Variants in KCP observed in about 807,000 individuals in gnomAD.
KCP encodes the protein kielin cysteine rich BMP regulator.
Under a neutral mutation model 212.7 loss-of-function variants are expected in KCP, and 194 were observed. The ratio of observed to expected loss-of-function variants is 0.91; its 90% CI spans 0.81 to 1.03. KCP has a LOEUF of 1.03. Among genes scored for constraint, KCP ranks in the 50% least tolerant of loss-of-function variants. The pLI is 0.00. For synonymous variants in KCP, 833 were observed against 865.3 expected, an observed-to-expected ratio of 0.96 and a Z score of 0.65; for missense variants, 2,080 against 2,162.5, an observed-to-expected ratio of 0.96 and a Z score of 0.76.
At position 128,880,660 on chromosome 7, in the gene KCP, GC is replaced by G; in HGVS notation, c.3574del (p.Ala1192ArgfsTer68). On this transcript the variant is annotated frameshift_variant, in exon 33 of 40. Transcript: ENST00000610776. LOFTEE classifies it high-confidence loss of function. Reference sequence around the variant, plus strand: ...GCAGCTGTCAGCCTGGGGCACCTTCGCCCAGCCATGGGGGCAGGAGAGGGCC... The same window carrying G: ...GCAGCTGTCAGCCTGGGGCACCTTCGCCAGCCATGGGGGCAGGAGAGGGCC... ...CQALSCPHGW[A>X]KVPQADSCCE... is the part of the protein sequence containing the mutation. 1 of 746,146 alleles carries G rather than the reference GC, an allele frequency of 1.3e-6. No individual in the cohort carries two copies. 46.2% of individuals were successfully genotyped at this position (746,146 alleles called of 1,614,324 possible). A position where few individuals can be genotyped will look rare whatever the true frequency, so the allele number is the denominator to read the frequency against.
rs1390332172 is a variant in KCP, at chr7:128,891,646, C to T, written c.1795G>A (p.Gly599Ser). ...PGTCCPNDCS[G>S]CAFGGKEYPS... ...GGCCGCCCTGACCCGCCCACCTCAC[C>T]GCTGCAGTCGTTCGGGCAGCAGGTC... The change falls in exon 17 of 40, where the codon GGC becomes AGC. Residue 599 changes from glycine (G) to serine (S), a missense_variant and splice_region_variant. Coordinates refer to ENST00000610776, the MANE Select transcript of KCP (RefSeq NM_001366122.1). The T allele has an allele frequency of 1.4e-5, 20 of 1,466,150 alleles. No homozygotes were observed. The highest frequency in any genetic ancestry group is 1.7e-5 in the Non-Finnish European group (19 of 1,106,944). The allele number at this position is 1,466,150 out of a possible 1,614,324, so 90.8% of individuals were successfully genotyped here. A position where few individuals can be genotyped will look rare whatever the true frequency, so the allele number is the denominator to read the frequency against.
intron 2 of KCP, 73 bp downstream of exon 2, chr7:128,908,353 C>T: frequency 3.5e-6 from 5 of 1,444,774 alleles, no homozygotes; most frequent in Non-Finnish European, 4.6e-6. Context: ...CCCTCCAAGC[C>T]TAACTCCTTC....
At position 128,886,639 on chromosome 7, in the gene KCP, C is replaced by T. The variant is rs748913372; in HGVS notation, c.2772+16G>A. On this transcript the variant is annotated intron_variant, in intron 25 of 39. Transcript: ENST00000610776. The stretch of plus-strand genomic sequence containing the variant: ...TGGTCCAGCTGTCACTCCACACCCC[C>T]CACCTCCTGCTATACCTGACAGCGA... The T allele has an allele frequency of 7.1e-6, 11 of 1,551,388 alleles. No individual in the cohort carries two copies. The highest frequency in any genetic ancestry group is 8.7e-6 in the Non-Finnish European group (10 of 1,146,838).
intron 8 of KCP, among the ~76,000 whole-genome samples, chr7:128,896,530 C>G (rs140652228): frequency 4.5e-4 from 68 of 152,160 alleles, no homozygotes; most frequent in African/African-American, 1.6e-3. Context: ...AGTACAGGAT[C>G]GTGGGACATG....
At position 128,877,467 on chromosome 7, in the gene KCP, G is replaced by C. The variant is rs1395928342; in HGVS notation, c.4618+17C>G. ...TGCTGAGCCTCCCCCAACCTGCAGC[G>C]GGCATCACCCCCTCACCACACAGCG... On this transcript the variant is annotated intron_variant, in intron 39 of 39. Transcript: ENST00000610776. 6.5e-7 allele frequency: 1 copy of C among 1,549,922 alleles called. No individual in the cohort carries two copies. Among genetic ancestry groups the C allele is most frequent in the Non-Finnish European group, 8.7e-7 (1 of 1,146,388 alleles).
intron 5 of KCP, among the ~76,000 whole-genome samples, chr7:128,905,792 G>A: frequency 6.6e-6 from 1 of 151,882 alleles, no homozygotes. Context: ...CTGTCCTTGT[G>A]CCCAGAGGAA....
chr7:128,906,529 C>T (rs1472616421), intron 4 of KCP, among the ~76,000 whole-genome samples, 166 bp from the exon 5 acceptor site: 5 of 152,226 alleles, frequency 3.3e-5, no homozygotes, highest in African/African-American at 9.6e-5. Flanking sequence ...AGAGACATCC[C>T]GCCCCCACTC....
intron 2 of KCP, among the ~76,000 whole-genome samples, 175 bp downstream of exon 2, chr7:128,908,251 G>GAAGAAAGGAAGAAAGAAAGAAGAAAGA (rs1795242134): frequency 9.9e-6 from 1 of 101,212 alleles, no homozygotes; most frequent in Non-Finnish European, 2.0e-5. Flanking sequence ...AAGAAAGAAA[G>GAAGAAAGGAAGAAAGAAAGAAGAAAGA]AAGAAAGAAA....
chr7:128,893,491 A>G lies in KCP; in HGVS notation c.1100-15T>C, dbSNP rs1054282828. On this transcript the variant is annotated splice_polypyrimidine_tract_variant and intron_variant, in intron 11 of 39. Coordinates refer to ENST00000610776, the MANE Select transcript of KCP (RefSeq NM_001366122.1). ...GTACTCACAGCCTGGATGGGATGAC[A>G]GGGGCGTGGGGGTATAGGGCTGGAG... is the stretch of plus-strand genomic sequence containing the variant. 6 of 1,532,194 alleles carry G rather than the reference A, an allele frequency of 3.9e-6. No homozygotes were observed. Among genetic ancestry groups the G allele is most frequent in the African/African-American group, 2.8e-5 (2 of 72,622 alleles). 94.9% of individuals were successfully genotyped at this position (1,532,194 alleles called of 1,614,324 possible). A position where few individuals can be genotyped will look rare whatever the true frequency, so the allele number is the denominator to read the frequency against.
rs1490529104 is a variant in KCP, at chr7:128,888,988, G to A, written c.2387C>T (p.Pro796Leu). Reference protein sequence around the residue: ...SYLSNQEFPDPREPCNLCTCL... With the variant: ...SYLSNQEFPDLREPCNLCTCL... The stretch of plus-strand genomic sequence containing the variant: ...GGTACACAGGTTGCAGGGTTCTCGG[G>A]GGTCTGGGAACTCCTGGTTACTCAG... Residue 796 changes from proline (P) to leucine (L), a missense_variant, in exon 22 of 40, where the codon CCC (proline) becomes CTC (leucine). Physicochemically the swap from Pro to Leu is moderately conservative, Grantham distance 98 (BLOSUM62 -3). Coordinates refer to ENST00000610776, the MANE Select transcript of KCP (RefSeq NM_001366122.1). 1 of 1,539,706 alleles carries A rather than the reference G, an allele frequency of 6.5e-7. No homozygotes were observed. Among genetic ancestry groups the A allele is most frequent in the East Asian group, 2.5e-5 (1 of 40,614 alleles).
Position 128,878,718 on chromosome 7 carries a change from A to G in KCP, c.4151T>C (p.Leu1384Pro). 6.5e-7 allele frequency: 1 copy of G among 1,549,370 alleles called. No individual in the cohort carries two copies. Among genetic ancestry groups the G allele is most frequent in the Non-Finnish European group, 8.7e-7 (1 of 1,146,844 alleles). ...CTCCACCTGGGACTGCCCATCCCAC[A>G]GCACCTGTGTGGAGAGGCCTGAGAC... Reference protein sequence around the residue: ...ILHAQPGLQVLWDGQSQVEVS... With the variant: ...ILHAQPGLQVPWDGQSQVEVS... The change falls in exon 38 of 40, where the codon CTG becomes CCG. Residue 1384 changes from leucine (L) to proline (P), a missense_variant. Physicochemically the swap from Leu to Pro is moderately conservative, Grantham distance 98. Transcript: ENST00000610776.
intron 5 of KCP, 86 bp from the exon 6 acceptor site, chr7:128,904,224 G>T: frequency 6.6e-7 from 1 of 1,514,716 alleles, no homozygotes; most frequent in Non-Finnish European, 9.0e-7. Flanking sequence ...CCCCAAGTAG[G>T]TACTGGACCC....
At position 128,886,503 on chromosome 7, in the gene KCP, G is replaced by A. The variant is rs1309097750; in HGVS notation, c.2827C>T (p.Gln943Ter). The A allele has an allele frequency of 4.5e-6, 7 of 1,550,588 alleles. No homozygotes were observed. Among genetic ancestry groups the A allele is most frequent in the Non-Finnish European group, 6.1e-6 (7 of 1,146,540 alleles). ...LQCPPLPCKL[Q>*]VTERGSCCPR... is the part of the protein sequence containing the mutation. ...CAGCAGCTCCCCCGCTCGGTGACCT[G>A]GAGCTTGCAGGGAAGGGGTGGGCAC... The change falls in exon 26 of 40, where the codon CAG (glutamine) becomes TAG (stop). Residue 943 changes from glutamine to a stop codon, truncating the protein, a stop_gained. Coordinates refer to ENST00000610776, the MANE Select transcript of KCP (RefSeq NM_001366122.1). LOFTEE classifies it high-confidence loss of function.
At chr7:128,908,173 A>G (rs1795225191) in intron 2 of KCP, among the ~76,000 whole-genome samples, 1 of 147,084 alleles carries the variant, frequency 6.8e-6, no homozygotes, top group Admixed American at 6.8e-5. Context: ...GAGAAGAAGG[A>G]TGGAAGGAAG....
Position 128,879,553 on chromosome 7 carries a change from G to T in KCP, c.4115C>A (p.Thr1372Asn). The change falls in exon 37 of 40, where the codon ACT (threonine) becomes AAT (asparagine). Residue 1372 changes from threonine to asparagine, a missense_variant. By Grantham distance (65) the Thr-to-Asn change is moderately conservative (BLOSUM62 0). Coordinates refer to ENST00000610776, the MANE Select transcript of KCP (RefSeq NM_001366122.1). The part of the protein sequence containing the change: ...PLLYVELRGH[T>N]VILHAQPGLQ... ...CCCGGGCTGGGCGTGCAGGATCACA[G>T]TGTGTCCTCGCAGCTCCACATACAG... 1 of 1,550,336 alleles carries T rather than the reference G, an allele frequency of 6.5e-7. No individual in the cohort carries two copies. The highest frequency in any genetic ancestry group is 1.2e-5 in the South Asian group (1 of 84,044).
chr7:128,877,097 G>C lies in KCP; in HGVS notation c.4833C>G (p.Asp1611Glu), dbSNP rs920429258. 3 of 1,519,708 alleles carry C rather than the reference G, an allele frequency of 2.0e-6. No homozygotes were observed. The highest frequency in any genetic ancestry group is 2.6e-6 in the Non-Finnish European group (3 of 1,137,890). The allele number at this position is 1,519,708 out of a possible 1,614,324, so 94.1% of individuals were successfully genotyped here. A position where few individuals can be genotyped will look rare whatever the true frequency, so the allele number is the denominator to read the frequency against. ...EACPQVLLTG[D>E]QPLGARPSPS... The stretch of plus-strand genomic sequence containing the variant: ...GGCTGGGCCGAGCACCAAGTGGCTG[G>C]TCTCCAGTGAGCAGGACTTGGGGGC... The change falls in exon 40 of 40, where the codon GAC becomes GAG. Residue 1611 changes from aspartate (D) to glutamate (E), a missense_variant. Physicochemically the swap from Asp to Glu is conservative, Grantham distance 45. Transcript: ENST00000610776.
intron 8 of KCP, among the ~76,000 whole-genome samples, chr7:128,895,909 CTCTG>C (rs1296737949): frequency 4.6e-5 from 7 of 152,210 alleles, no homozygotes; most frequent in African/African-American, 1.4e-4. Context: ...CTCAGGGCTG[CTCTG>C]TCTATGGAGT....
intron 20 of KCP, 25 bp downstream of exon 20, chr7:128,890,880 G>A (rs1794072166): frequency 2.0e-5 from 25 of 1,248,522 alleles, no homozygotes; most frequent in South Asian, 3.7e-5. Flanking sequence ...GCGGGTGGCC[G>A]GGAGGGGCAC....
At chr7:128,890,066 G>T in intron 21 of KCP, 1 of 463,600 alleles carries the variant, frequency 2.2e-6, no homozygotes. Flanking sequence ...GGAACTACAA[G>T]AGGCACCACG....
Sources: gnomAD v4.1 joint callset for allele counts (sites outside exome capture counted in the v4.1 genomes callset) on GRCh38, gnomAD v4.1.1 for gene constraint, MANE v1.5 for transcripts, NCBI Gene and HGNC (gene_info 2026-07-23, HGNC 2026-07-21) for gene names.